Variants in UBAP2L observed in about 807,000 individuals in gnomAD.
The protein encoded by UBAP2L is ubiquitin-associated protein 2-like.
In UBAP2L, 12 loss-of-function variants were observed where a neutral mutation model predicts 130.6. The observed-to-expected ratio is 0.09, with a 90% CI of 0.06 to 0.15. UBAP2L has a LOEUF of 0.15. UBAP2L is among the 10% of genes least tolerant of loss of function. UBAP2L has a pLI of 1.00. For synonymous variants in UBAP2L, 503 were observed against 524.7 expected (o/e 0.96, Z 0.57); for missense variants, 965 against 1,332.5 (o/e 0.72, Z 4.29).
At position 154,261,682 on chromosome 1, in the gene UBAP2L, C is replaced by T. The variant is rs3203752; in HGVS notation, c.2887C>T (p.His963Tyr). ...PFQQPSGYGS[H>Y]GYNTGVSVTS... ...CCAACAGCCGAGTGGATATGGGTCT[C>T]ATGGATACAACACTGGTAAGCTGAC... The change falls in exon 24 of 27, where the codon CAT becomes TAT. Residue 963 changes from histidine to tyrosine, a missense_variant. Around this residue, in one of 9 missense-constraint regions of UBAP2L, gnomAD observed 194 missense variants for 334.0 expected, o/e 0.58. Transcript: ENST00000428931. 6.2e-7 allele frequency: 1 copy of T among 1,614,132 alleles called. No homozygotes were observed. Among genetic ancestry groups the T allele is most frequent in the Non-Finnish European group, 8.5e-7 (1 of 1,180,016 alleles).
chr1:154,234,063 G>A (rs1481807354), intron 4 of UBAP2L, among the ~76,000 whole-genome samples: 3 of 151,936 alleles, frequency 2.0e-5, no homozygotes, highest in Non-Finnish European at 4.4e-5. Context: ...GGTGGCTCAC[G>A]TCTGTAATCC....
At chr1:154,269,501 C>A in intron 26 of UBAP2L, 1 of 1,127,572 alleles carries the variant, frequency 8.9e-7, no homozygotes. Context: ...GAAAAGACTG[C>A]GCGGTCACAA....
At chr1:154,269,067 C>T in intron 26 of UBAP2L, 113 bp downstream of exon 26, 1 of 1,280,904 alleles carries the variant, frequency 7.8e-7, no homozygotes, top group Non-Finnish European at 1.1e-6. Context: ...CCAATCCCTC[C>T]CCAGCGCCAG....
In UBAP2L at chr1:154,234,772, C is replaced by T; in HGVS notation, c.448+13C>T. ...CGTGGACGAGAGTGTATGCATGGGGCTTTATCAAAACCAGCTGTGGGTCAG... is the reference window on the plus strand; with the variant it reads ...CGTGGACGAGAGTGTATGCATGGGGTTTTATCAAAACCAGCTGTGGGTCAG... On this transcript the variant is annotated intron_variant, in intron 5 of 26. Coordinates refer to ENST00000428931, the MANE Select transcript of UBAP2L (RefSeq NM_014847.4). 5 of 1,573,014 alleles carry T rather than the reference C, an allele frequency of 3.2e-6. No homozygotes were observed. Among genetic ancestry groups the T allele is most frequent in the Non-Finnish European group, 4.3e-6 (5 of 1,157,894 alleles).
chr1:154,258,958 A>T lies in UBAP2L; in HGVS notation c.2443-19A>T. On this transcript the variant is annotated intron_variant, in intron 20 of 26. Coordinates refer to ENST00000428931, the MANE Select transcript of UBAP2L (RefSeq NM_014847.4). Reference sequence around the variant, plus strand: ...ATCATGACCAGTTCCTGTTATTGCTATATGTCTGTATCTTTCAGCCACAAG... The same window carrying T: ...ATCATGACCAGTTCCTGTTATTGCTTTATGTCTGTATCTTTCAGCCACAAG... 1 of 1,611,684 alleles carries T rather than the reference A, an allele frequency of 6.2e-7. No homozygotes were observed. Among genetic ancestry groups the T allele is most frequent in the Non-Finnish European group, 8.5e-7 (1 of 1,178,178 alleles).
Position 154,229,094 on chromosome 1 carries a change from G to GT in UBAP2L, c.279+378dup, listed in dbSNP as rs1014328059. Among the ~76,000 whole-genome samples the GT allele has an allele frequency of 1.7e-4, 26 of 149,130 alleles. 1 individual carries two copies. Among genetic ancestry groups the GT allele is most frequent in the South Asian group, 1.5e-3 (7 of 4,726 alleles). Reference sequence around the variant, plus strand: ...AAAGTCACACACTATACTTGATTCTGTTTTTTTTTCTTTTTATTTTATTTT... The same window carrying GT: ...AAAGTCACACACTATACTTGATTCTGTTTTTTTTTTCTTTTTATTTTATTTT... On this transcript the variant is annotated intron_variant, in intron 4 of 26. Transcript: ENST00000428931.
rs979207189 is a variant in UBAP2L at position 154,235,570 on chromosome 1, C to T, written c.544+279C>T. On this transcript the variant is annotated intron_variant, in intron 6 of 26. Transcript: ENST00000428931. ...TGTCACCCAGGCTGGAGTGCAGTGG[C>T]GCGATCTTGGCTCACTGCAACCTCT... Among the ~76,000 whole-genome samples, 3 of 151,776 alleles carry T rather than the reference C, an allele frequency of 2.0e-5. No individual in the cohort carries two copies. The highest frequency in any genetic ancestry group is 2.9e-5 in the Non-Finnish European group (2 of 67,928).
intron 2 of UBAP2L, 69 bp downstream of exon 2, chr1:154,225,282 G>A (rs1667550208): frequency 1.3e-6 from 2 of 1,530,416 alleles, no homozygotes; most frequent in Non-Finnish European, 1.8e-6. Flanking sequence ...ATGCAGTACA[G>A]CATCATTCTG....
intron 20 of UBAP2L, 139 bp from the exon 21 acceptor site, chr1:154,258,838 A>T (rs1680540858): frequency 3.0e-6 from 2 of 656,548 alleles, no homozygotes; most frequent in East Asian, 5.5e-5. Flanking sequence ...TCCTTAAATA[A>T]AATTGAAGGA....
chr1:154,237,277 G>A, intron 8 of UBAP2L, 141 bp downstream of exon 8: 1 of 725,718 alleles, frequency 1.4e-6, no homozygotes, highest in Non-Finnish European at 2.4e-6. Context: ...TTGTATTACT[G>A]TGTGTACTGT....
chr1:154,255,005 G>A (rs1176808372), intron 16 of UBAP2L, 115 bp downstream of exon 16: 2 of 1,428,088 alleles, frequency 1.4e-6, no homozygotes, highest in Admixed American at 2.3e-5. Context: ...GTAATTCTCA[G>A]CATTAAAGAA....
upstream of UBAP2L, chr1:154,220,772 G>A (rs1333959128): frequency 1.3e-5 from 3 of 238,940 alleles, 1 homozygote; most frequent in Admixed American, 5.3e-5. Flanking sequence ...GGAAAGAGGT[G>A]TCTCGTGGCG....
At chr1:154,247,127 G>C (rs1675799932) in intron 11 of UBAP2L, among the ~76,000 whole-genome samples, 1 of 151,962 alleles carries the variant, frequency 6.6e-6, no homozygotes. Context: ...CCTATTTTTT[G>C]ATGGAGGGAT....
chr1:154,264,951 C>A (rs1279624587), intron 24 of UBAP2L, among the ~76,000 whole-genome samples: 2 of 152,174 alleles, frequency 1.3e-5, no homozygotes, highest in African/African-American at 4.8e-5. Context: ...CAGATGGGCA[C>A]CTCGGGTTTG....
chr1:154,250,421 A>T (rs1019142390), intron 12 of UBAP2L, among the ~76,000 whole-genome samples: 1 of 152,154 alleles, frequency 6.6e-6, no homozygotes, highest in African/African-American at 2.4e-5. Context: ...AAGATATGCC[A>T]TGCCTTGTTT....
chr1:154,238,673 C>T (rs1230386249), intron 8 of UBAP2L, among the ~76,000 whole-genome samples: 6 of 152,116 alleles, frequency 3.9e-5, no homozygotes, highest in African/African-American at 1.4e-4. Context: ...ACGCCACTAT[C>T]GTCTTGTTAG....
intron 25 of UBAP2L, among the ~76,000 whole-genome samples, chr1:154,267,906 T>TTTTTTTTTTTTTTTTTTTGG (rs1683806354): frequency 7.4e-6 from 1 of 135,896 alleles, no homozygotes; most frequent in Non-Finnish European, 1.6e-5. Flanking sequence ...TTTTTTTTTT[T>TTTTTTTTTTTTTTTTTTTGG]GAGACGGAGT....
At chr1:154,225,387 A>G (rs1357759461) in intron 2 of UBAP2L, among the ~76,000 whole-genome samples, 174 bp downstream of exon 2, 2 of 152,022 alleles carry the variant, frequency 1.3e-5, no homozygotes, top group Admixed American at 1.3e-4. Context: ...GACATGCTGT[A>G]AGGCAAGATG....
At chr1:154,257,466 GT>G in intron 20 of UBAP2L, 32 bp downstream of exon 20, 2 of 1,610,170 alleles carry the variant, frequency 1.2e-6, no homozygotes, top group Non-Finnish European at 1.7e-6. Flanking sequence ...TCTTCAAAAG[GT>G]GAGGATGTTG....
Sources: allele counts gnomAD v4.1 joint callset (sites outside exome capture counted in the v4.1 genomes callset), GRCh38; gene constraint gnomAD v4.1.1; regional missense constraint gnomAD v4.1.1; transcripts MANE v1.5; gene names NCBI Gene and HGNC (gene_info 2026-07-23, HGNC 2026-07-21).